The following COG5 variants were observed in gnomAD, a reference collection of about 807,000 sequenced individuals.
COG5 encodes component of oligomeric golgi complex 5.
A neutral mutation model predicts 110.4 loss-of-function variants in COG5; 86 were observed. That is an observed-to-expected ratio of 0.78 (90% CI 0.65 to 0.93). The LOEUF (loss-of-function observed/expected upper bound fraction) is 0.93. Among genes scored for constraint, COG5 ranks in the 40% least tolerant of loss-of-function variants. The pLI is 0.00. For missense variants in COG5, 1,077 were observed against 987.0 expected (o/e 1.09, Z -1.22); for synonymous variants, 360 against 334.6 (o/e 1.08, Z -0.83).
chr7:107,209,146 C>G (rs1242988578), intron 21 of COG5: 2 of 985,396 alleles, frequency 2.0e-6, no homozygotes, highest in Non-Finnish European at 2.4e-6. Flanking sequence ...CTGACACAGG[C>G]TAACAAAGGA....
intron 21 of COG5, chr7:107,209,346 G>T: frequency 2.6e-6 from 1 of 378,026 alleles, no homozygotes; most frequent in Non-Finnish European, 3.6e-6. Context: ...ACCAAGACAG[G>T]GAGTATAAGA....
intron 11 of COG5, among the ~76,000 whole-genome samples, chr7:107,307,778 G>C (rs1177192059): frequency 6.6e-6 from 1 of 151,534 alleles, no homozygotes; most frequent in Non-Finnish European, 1.5e-5. Context: ...GGTGGGAGTG[G>C]GGTGAGGAAT....
chr7:107,242,146 G>C (rs1801691582), intron 17 of COG5, among the ~76,000 whole-genome samples: 1 of 152,198 alleles, frequency 6.6e-6, no homozygotes, highest in Admixed American at 6.5e-5. Context: ...CCAATTAGAA[G>C]CAGCTAGTGT....
intron 5 of COG5, among the ~76,000 whole-genome samples, chr7:107,529,078 A>G (rs1368484124): frequency 1.3e-5 from 2 of 151,654 alleles, no homozygotes; most frequent in African/African-American, 2.4e-5. Flanking sequence ...GAAATTGACA[A>G]TTGGGGCATC....
intron 16 of COG5, among the ~76,000 whole-genome samples, chr7:107,254,024 G>A (rs1739354845): frequency 6.6e-6 from 1 of 152,044 alleles, no homozygotes; most frequent in East Asian, 1.9e-4. Context: ...CTCTACATGG[G>A]AAAGGACTTT....
At chr7:107,563,049 T>C (rs1431744321) in intron 1 of COG5, among the ~76,000 whole-genome samples, 1 of 152,230 alleles carries the variant, frequency 6.6e-6, no homozygotes, top group African/African-American at 2.4e-5. Flanking sequence ...AAGGGCTTTA[T>C]TTTTATGCTT....
intron 12 of COG5, among the ~76,000 whole-genome samples, chr7:107,287,616 T>C (rs1296962473): frequency 6.6e-6 from 1 of 152,228 alleles, no homozygotes; most frequent in Non-Finnish European, 1.5e-5. Flanking sequence ...AGAAATCTTG[T>C]ATCTTTAACT....
chr7:107,500,157 G>A (rs902519726), intron 6 of COG5, among the ~76,000 whole-genome samples: 2 of 152,138 alleles, frequency 1.3e-5, no homozygotes, highest in Admixed American at 6.6e-5. Flanking sequence ...CACGTGCCAT[G>A]GAAACCAATT....
chr7:107,370,821 C>T (rs1038692036), intron 8 of COG5, among the ~76,000 whole-genome samples: 9 of 138,920 alleles, frequency 6.5e-5, no homozygotes, highest in Non-Finnish European at 1.1e-4. Context: ...TATATATACA[C>T]ACACAATAAT....
At chr7:107,205,967 T>TAA (rs1469426925) in intron 21 of COG5, among the ~76,000 whole-genome samples, 2 of 151,480 alleles carry the variant, frequency 1.3e-5, no homozygotes, top group African/African-American at 2.4e-5. Context: ...TTTTTTTTTT[T>TAA]TTTATTTTTT....
At chr7:107,348,216 T>G (rs187940850) in intron 10 of COG5, among the ~76,000 whole-genome samples, 70 of 152,038 alleles carry the variant, frequency 4.6e-4, no homozygotes, top group Non-Finnish European at 7.1e-4. Flanking sequence ...CTGCTGCACT[T>G]CTGTGGTAAT....
intron 13 of COG5, 81 bp from the exon 14 acceptor site, chr7:107,281,480 C>T (rs533053755): frequency 3.0e-6 from 3 of 984,462 alleles, no homozygotes; most frequent in Non-Finnish European, 1.6e-6. Context: ...AACTCAAACC[C>T]AATAAGCAAT....
intron 11 of COG5, among the ~76,000 whole-genome samples, chr7:107,322,554 AAAATT>A (rs551673703): frequency 3.3e-4 from 50 of 152,340 alleles, no homozygotes; most frequent in African/African-American, 1.1e-3. Context: ...TGGAATGACT[AAAATT>A]AAAATAACTG....
chr7:107,295,064 C>CATAT (rs1806588618), intron 12 of COG5, among the ~76,000 whole-genome samples: 3 of 54,398 alleles, frequency 5.5e-5, no homozygotes, highest in Non-Finnish European at 8.8e-5. Flanking sequence ...CACACACACA[C>CATAT]ACATATATAT....
At chr7:107,374,831 C>A (rs1471767305) in intron 7 of COG5, among the ~76,000 whole-genome samples, 1 of 151,806 alleles carries the variant, frequency 6.6e-6, no homozygotes, top group Admixed American at 6.6e-5. Context: ...ATATTTATAG[C>A]TTAACACATA....
rs114868194 is a variant in COG5 at position 107,518,773 on chromosome 7, T to C, written c.538+8464A>G. ...CAACGGGACAGAAAATTAACGAGGATATTCACGACTTGAACTCACTCTGGA... is the reference window on the plus strand; with the variant it reads ...CAACGGGACAGAAAATTAACGAGGACATTCACGACTTGAACTCACTCTGGA... On this transcript the variant is annotated intron_variant, in intron 6 of 21. Coordinates refer to ENST00000297135, the MANE Select transcript of COG5 (RefSeq NM_006348.5). Among the ~76,000 whole-genome samples the C allele has an allele frequency of 9.0e-3, 1,372 of 152,262 alleles. 18 individuals are homozygous for C. Among genetic ancestry groups the C allele is most frequent in the African/African-American group, 0.029 (1,205 of 41,550 alleles).
chr7:107,413,710 A>G (rs771978329), intron 6 of COG5, among the ~76,000 whole-genome samples: 1 of 152,234 alleles, frequency 6.6e-6, no homozygotes, highest in Non-Finnish European at 1.5e-5. Flanking sequence ...AAGCACATCT[A>G]GAGACTGGAG....
intron 18 of COG5, among the ~76,000 whole-genome samples, chr7:107,235,169 T>C (rs1049269205): frequency 3.9e-5 from 6 of 152,196 alleles, no homozygotes; most frequent in Admixed American, 1.3e-4. Flanking sequence ...TGTTCCTTTT[T>C]TGAAAGTGTG....
In COG5 at chr7:107,248,501, T is replaced by TA. The variant is rs746706902; in HGVS notation, c.1750-3dup. The TA allele has an allele frequency of 0.037, 44,023 of 1,174,550 alleles. No individual in the cohort carries two copies. Among genetic ancestry groups the TA allele is most frequent in the South Asian group, 0.043 (2,853 of 65,772 alleles). 72.8% of individuals were successfully genotyped at this position (1,174,550 alleles called of 1,614,324 possible). On this transcript the variant is annotated splice_region_variant and splice_polypyrimidine_tract_variant and intron_variant, in intron 16 of 21. Coordinates refer to ENST00000297135, the MANE Select transcript of COG5 (RefSeq NM_006348.5). Reference sequence around the variant, plus strand: ...ATTTTCCATAAGAGCATGAATAGCCTAAAAAAAAAAAAGAAAGAAAAAAAA... The same window carrying TA: ...ATTTTCCATAAGAGCATGAATAGCCTAAAAAAAAAAAAAGAAAGAAAAAAAA...
Sources: allele counts gnomAD v4.1 joint callset (sites outside exome capture counted in the v4.1 genomes callset), GRCh38; gene constraint gnomAD v4.1.1; transcripts MANE v1.5; gene names NCBI Gene and HGNC (gene_info 2026-07-23, HGNC 2026-07-21).